Variants in PACS2 observed in about 807,000 individuals in gnomAD.
PACS2 encodes phosphofurin acidic cluster sorting protein 2.
A neutral mutation model predicts 113.0 loss-of-function variants in PACS2; 36 were observed. The ratio of observed to expected loss-of-function variants is 0.32; its 90% CI spans 0.24 to 0.42. The LOEUF (loss-of-function observed/expected upper bound fraction) is 0.42. PACS2 is among the 10% of genes least tolerant of loss of function. The pLI is 1.00. For missense variants in PACS2, 1,015 were observed against 1,239.5 expected, an observed-to-expected ratio of 0.82 and a Z score of 2.72; for synonymous variants, 589 against 536.1, an observed-to-expected ratio of 1.10 and a Z score of -1.36.
chr14:105,391,563 G>A (rs587617302), intron 21 of PACS2, 68 bp from the exon 22 acceptor site: 13 of 1,114,958 alleles, frequency 1.2e-5, no homozygotes, highest in Middle Eastern at 3.8e-4. Context: ...ATCCTGGTCC[G>A]GAGGGCCTGG....
chr14:105,389,750 G>GC (rs1443621562), intron 19 of PACS2: 11 of 604,972 alleles, frequency 1.8e-5, no homozygotes, highest in Non-Finnish European at 3.0e-5. Flanking sequence ...GTCAGAAGGG[G>GC]CCCAGGCGTT....
chr14:105,391,679 C>G lies in PACS2; in HGVS notation c.2168C>G (p.Thr723Ser). The G allele has an allele frequency of 6.2e-7, 1 of 1,609,168 alleles. No homozygotes were observed. Among genetic ancestry groups the G allele is most frequent in the Non-Finnish European group, 8.5e-7 (1 of 1,178,634 alleles). The change falls in exon 22 of 25, where the codon ACC (threonine) becomes AGC (serine). Residue 723 changes from threonine (T) to serine (S), a missense_variant. Around this residue, in one of 3 missense-constraint regions of PACS2, gnomAD observed 859 missense variants for 1,056.8 expected, o/e 0.81. Coordinates refer to ENST00000447393, the MANE Select transcript of PACS2 (RefSeq NM_001100913.3). ...TCGGGCTCTGGCACGCTCTCCTCCA[C>G]CCCGCCGTCCGCATCTCCTGCGGCC... Reference protein sequence around the residue: ...APSGSGTLSSTPPSASPAAKE... With the variant: ...APSGSGTLSSSPPSASPAAKE...
intron 1 of PACS2, among the ~76,000 whole-genome samples, chr14:105,327,886 T>G (rs1014583100): frequency 6.7e-6 from 1 of 150,120 alleles, no homozygotes; most frequent in Non-Finnish European, 1.5e-5. Flanking sequence ...CAGCCGAGCC[T>G]TGGCTCACCG....
At chr14:105,389,887 C>G in intron 19 of PACS2, 74 bp from the exon 20 acceptor site, 3 of 1,384,934 alleles carry the variant, frequency 2.2e-6, no homozygotes, top group Middle Eastern at 1.9e-4. Flanking sequence ...GGTTCTCAGG[C>G]CAAGAGGGAG....
intron 1 of PACS2, among the ~76,000 whole-genome samples, chr14:105,305,257 C>T (rs1446444510): frequency 6.6e-6 from 1 of 151,942 alleles, no homozygotes; most frequent in Non-Finnish European, 1.5e-5. Flanking sequence ...AAAAACTTAG[C>T]CGGTTGTGGT....
At position 105,348,459 on chromosome 14, in the gene PACS2, G is replaced by A; in HGVS notation, c.120-34G>A. ...AGGGCCGCGTCCTGAGGAGAGGGCG[G>A]AGCCCCGAGGCTGAGCTGTGCCTTG... On this transcript the variant is annotated intron_variant, in intron 1 of 24. Transcript: ENST00000447393. This position sits in a 1 kb window ranked among gnomAD's most constrained non-coding sequence, Gnocchi z 6.4. The A allele has an allele frequency of 6.5e-7, 1 of 1,542,118 alleles. No individual in the cohort carries two copies. The highest frequency in any genetic ancestry group is 8.9e-7 in the Non-Finnish European group (1 of 1,118,450).
chr14:105,329,461 TGA>T lies in PACS2; in HGVS notation c.119+14428_119+14429del, dbSNP rs2059222793. 1.3e-5 allele frequency among the ~76,000 whole-genome samples: 2 copies of T among 152,130 alleles called. No individual in the cohort carries two copies. Among genetic ancestry groups the T allele is most frequent in the Admixed American group, 6.5e-5 (1 of 15,278 alleles). On this transcript the variant is annotated intron_variant, in intron 1 of 24. Transcript: ENST00000447393. This position sits in a 1 kb window ranked among gnomAD's most constrained non-coding sequence, Gnocchi z 6.4. ...AGAACCATCCTGAGTCCAAACTGGC[TGA>T]GAGTCAAGGGGGTGTTCAGGGCCTC...
Position 105,329,329 on chromosome 14 carries a change from C to G in PACS2, c.119+14292C>G, listed in dbSNP as rs1323728407. 6.6e-6 allele frequency among the ~76,000 whole-genome samples: 1 copy of G among 152,176 alleles called. No individual in the cohort carries two copies. The highest frequency in any genetic ancestry group is 6.5e-5 in the Admixed American group (1 of 15,282). The stretch of plus-strand genomic sequence containing the variant: ...GCTTCCTTGGGTCCTGTGTGCCCAA[C>G]TTGGCACTTCAAGATTTGCTCCCTG... On this transcript the variant is annotated intron_variant, in intron 1 of 24. Transcript: ENST00000447393. This position sits in a 1 kb window ranked among gnomAD's most constrained non-coding sequence, Gnocchi z 6.4.
intron 1 of PACS2, among the ~76,000 whole-genome samples, chr14:105,305,718 A>C (rs75264897): frequency 0.12 from 18,117 of 152,214 alleles, 3,647 homozygotes; most frequent in African/African-American, 0.41. Flanking sequence ...TAGGTGCCCC[A>C]TGCTGCAAGC....
At chr14:105,335,160 G>A (rs1183453408) in intron 1 of PACS2, among the ~76,000 whole-genome samples, 2 of 152,258 alleles carry the variant, frequency 1.3e-5, no homozygotes, top group African/African-American at 2.4e-5. Context: ...AATGCGTGGT[G>A]TGGTGGAGCC....
Position 105,394,863 on chromosome 14 carries a change from A to G in PACS2, c.*191A>G. On this transcript the variant is annotated 3_prime_UTR_variant, in exon 25 of 25. Coordinates refer to ENST00000447393, the MANE Select transcript of PACS2 (RefSeq NM_001100913.3). ...CAGGAGCCGAATAACTGCTCTGCTTATTAACCCGAACGTTCGGCCCGGGGC... is the reference window on the plus strand; with the variant it reads ...CAGGAGCCGAATAACTGCTCTGCTTGTTAACCCGAACGTTCGGCCCGGGGC... 1 of 581,882 alleles carries G rather than the reference A, an allele frequency of 1.7e-6. No homozygotes were observed. The highest frequency in any genetic ancestry group is 3.1e-6 in the Non-Finnish European group (1 of 322,270). 36.0% of individuals were successfully genotyped at this position (581,882 alleles called of 1,614,324 possible). A position where few individuals can be genotyped will look rare whatever the true frequency, so the allele number is the denominator to read the frequency against.
intron 9 of PACS2, 94 bp from the exon 10 acceptor site, chr14:105,379,645 G>A: frequency 9.8e-7 from 1 of 1,022,822 alleles, no homozygotes; most frequent in Non-Finnish European, 1.5e-6. Context: ...GGATTCTGCA[G>A]TCTGTCCCTC....
At chr14:105,312,005 G>C (rs587665662), upstream of PACS2, among the ~76,000 whole-genome samples, 10 of 152,354 alleles carry the variant, frequency 6.6e-5, no homozygotes, top group East Asian at 1.9e-3. Flanking sequence ...GAAGGAGTAG[G>C]GGCGCTGTGG....
At chr14:105,337,414 A>G (rs2059569979) in intron 1 of PACS2, among the ~76,000 whole-genome samples, 1 of 152,258 alleles carries the variant, frequency 6.6e-6, no homozygotes, top group South Asian at 2.1e-4. Context: ...CTGCACACTG[A>G]AAAATGGTTC....
chr14:105,382,526 A>C lies in PACS2; in HGVS notation c.1463A>C (p.Asp488Ala). The C allele has an allele frequency of 6.2e-7, 1 of 1,613,680 alleles. No homozygotes were observed. The highest frequency in any genetic ancestry group is 2.2e-5 in the East Asian group (1 of 44,878). Reference sequence around the variant, plus strand: ...CAGCTCAACCACATCCTCATCTCCGATGACCAGCTTCCCGAAAACATCATC... The same window carrying C: ...CAGCTCAACCACATCCTCATCTCCGCTGACCAGCTTCCCGAAAACATCATC... Reference protein sequence around the residue: ...YDQLNHILISDDQLPENIILV... With the variant: ...YDQLNHILISADQLPENIILV... Residue 488 changes from aspartate (D) to alanine (A), a missense_variant, in exon 14 of 25, where the codon GAT (aspartate) becomes GCT (alanine). Asp to Ala is a moderately radical substitution (Grantham distance 126). Transcript: ENST00000447393.
chr14:105,352,780 TC>T (rs2060246198), intron 3 of PACS2, among the ~76,000 whole-genome samples: 3 of 38,534 alleles, frequency 7.8e-5, no homozygotes, highest in Admixed American at 3.1e-4. Flanking sequence ...AGACAGGCCC[TC>T]CCCATCACTG....
chr14:105,353,186 G>C (rs1555404532), intron 3 of PACS2, among the ~76,000 whole-genome samples: 1 of 121,490 alleles, frequency 8.2e-6, no homozygotes. Context: ...GGGGTGACGG[G>C]CCCCCCCAAT....
In PACS2 at chr14:105,304,104, C is replaced by T. The variant is rs1036653686; in HGVS notation, c.-83+3125C>T. ...CCAGGCCACAGCGGTGCAGGACAGT[C>T]AGGCAGTACAGGACAGTCAGGCTGT... On this transcript the variant is annotated intron_variant, in intron 1 of 23. Coordinates refer to the PACS2 transcript ENST00000430725. 3.3e-5 allele frequency among the ~76,000 whole-genome samples: 5 copies of T among 152,208 alleles called. No individual in the cohort carries two copies. The East Asian group carries it at 7.7e-4, about 23-fold the overall frequency.
rs2060031939 is a variant in PACS2, at chr14:105,348,611, G to C, written c.207+31G>C. ...GCCGCTTGTGACCCCGGCTGTGGCT[G>C]GGTGCTGTGTAGGCTTTCCATGTGC... is the stretch of plus-strand genomic sequence containing the variant. On this transcript the variant is annotated intron_variant, in intron 2 of 24. Coordinates refer to ENST00000447393, the MANE Select transcript of PACS2 (RefSeq NM_001100913.3). This position sits in a 1 kb window ranked among gnomAD's most constrained non-coding sequence, Gnocchi z 6.4. 1.3e-6 allele frequency: 2 copies of C among 1,509,204 alleles called. No homozygotes were observed. Among genetic ancestry groups the C allele is most frequent in the Non-Finnish European group, 1.8e-6 (2 of 1,087,622 alleles). The allele number at this position is 1,509,204 out of a possible 1,614,324, so 93.5% of individuals were successfully genotyped here. A position where few individuals can be genotyped will look rare whatever the true frequency, so the allele number is the denominator to read the frequency against.
Sources: gnomAD v4.1 joint callset for allele counts (sites outside exome capture counted in the v4.1 genomes callset) on GRCh38, gnomAD v4.1.1 for gene constraint, gnomAD v4.1.1 regional missense constraint, Gnocchi (gnomAD v3.1) non-coding constraint, MANE v1.5 for transcripts, NCBI Gene and HGNC (gene_info 2026-07-23, HGNC 2026-07-21) for gene names.